Variants in MTMR12 observed in about 807,000 individuals in gnomAD.
The protein encoded by MTMR12 is myotubularin-related protein 12.
Under a neutral mutation model 96.7 loss-of-function variants are expected in MTMR12, and 33 were observed. That is an observed-to-expected ratio of 0.34 (90% confidence interval 0.26 to 0.46). The LOEUF is 0.46. Among genes scored for constraint, MTMR12 ranks in the 20% least tolerant of loss-of-function variants. The probability of loss-of-function intolerance (pLI) is 1.00; values close to 1 mark genes in which losing one functional copy is unlikely to be tolerated. For missense variants in MTMR12, 721 were observed against 896.1 expected, an observed-to-expected ratio of 0.80 and a Z score of 2.49; for synonymous variants, 298 against 327.2, an observed-to-expected ratio of 0.91 and a Z score of 0.96.
chr5:32,291,188 C>T lies in MTMR12; in HGVS notation c.82-14446G>A, dbSNP rs187852312. ...AGATGACAGGAAGAGAAAACTAGGGCCTGGTTCACAGATGGTTCTGCAAGA... is the reference window on the plus strand; with the variant it reads ...AGATGACAGGAAGAGAAAACTAGGGTCTGGTTCACAGATGGTTCTGCAAGA... On this transcript the variant is annotated intron_variant, in intron 1 of 15. Transcript: ENST00000382142. 1.6e-4 allele frequency among the ~76,000 whole-genome samples: 24 copies of T among 152,254 alleles called. No individual in the cohort carries two copies. In the East Asian group the frequency reaches 3.1e-3, roughly 20 times the overall value.
At chr5:32,256,664 G>C (rs1749150658) in intron 7 of MTMR12, among the ~76,000 whole-genome samples, 1 of 152,182 alleles carries the variant, frequency 6.6e-6, no homozygotes, top group Non-Finnish European at 1.5e-5. Context: ...CCCTCAAAGA[G>C]CTTGAAATAA....
At chr5:32,273,797 G>A in intron 3 of MTMR12, among the ~76,000 whole-genome samples, 183 bp downstream of exon 3, 1 of 152,154 alleles carries the variant, frequency 6.6e-6, no homozygotes, top group Non-Finnish European at 1.5e-5. Flanking sequence ...AGACAACAGA[G>A]CTATTTTACA....
rs1185236346 is a variant in MTMR12, at chr5:32,228,323, CTG to C, written c.*1453_*1454del. 1 of 151,922 alleles carries C rather than the reference CTG, an allele frequency of 6.6e-6. No homozygotes were observed. Among genetic ancestry groups the C allele is most frequent in the Non-Finnish European group, 1.5e-5 (1 of 68,016 alleles). 9.4% of individuals were successfully genotyped at this position (151,922 alleles called of 1,614,324 possible). ...AAATTTTCTTATTGCCCTTGAGCAA[CTG>C]AAAGTTTTTCCGAACATGTAACATT... On this transcript the variant is annotated 3_prime_UTR_variant, in exon 16 of 16. Coordinates refer to ENST00000382142, the MANE Select transcript of MTMR12 (RefSeq NM_001040446.3).
Position 32,237,964 on chromosome 5 carries a change from G to A in MTMR12, c.1344+1037C>T, listed in dbSNP as rs573416321. On this transcript the variant is annotated intron_variant, in intron 13 of 15. Coordinates refer to ENST00000382142, the MANE Select transcript of MTMR12 (RefSeq NM_001040446.3). ...TCAAGACCAGCCTGGCCAACATGGC[G>A]AAACCCCATCTCTACTAAAAATACA... is the stretch of plus-strand genomic sequence containing the variant. 4.0e-5 allele frequency among the ~76,000 whole-genome samples: 6 copies of A among 151,224 alleles called. No homozygotes were observed. In the East Asian group the frequency reaches 8.0e-4, roughly 20 times the overall value.
At chr5:32,293,120 T>C (rs754244152) in intron 1 of MTMR12, among the ~76,000 whole-genome samples, 41 of 152,190 alleles carry the variant, frequency 2.7e-4, no homozygotes, top group Non-Finnish European at 5.3e-4. Context: ...TTGAAGATTA[T>C]GTGTGATCTC....
At position 32,268,625 on chromosome 5, in the gene MTMR12, G is replaced by A. The variant is rs1749701746; in HGVS notation, c.583+76C>T. The A allele has an allele frequency of 2.4e-6, 3 of 1,241,806 alleles. No homozygotes were observed. In the Admixed American group the frequency reaches 5.1e-5, roughly 21 times the overall value. The allele number at this position is 1,241,806 out of a possible 1,614,324, so 76.9% of individuals were successfully genotyped here. A position where few individuals can be genotyped will look rare whatever the true frequency, so the allele number is the denominator to read the frequency against. On this transcript the variant is annotated intron_variant, in intron 6 of 15. Transcript: ENST00000382142. ...AAAAAACAAAACAACCCATAGATGT[G>A]TTCTCCCCCACTGGCTTCAGGTGGG...
chr5:32,282,450 A>C (rs1460204140), intron 1 of MTMR12, among the ~76,000 whole-genome samples: 4 of 150,132 alleles, frequency 2.7e-5, no homozygotes, highest in African/African-American at 9.7e-5. Context: ...TAAATAAATA[A>C]ATAAATAAAT....
chr5:32,241,449 C>T (rs1320498066), intron 12 of MTMR12, among the ~76,000 whole-genome samples: 1 of 152,212 alleles, frequency 6.6e-6, no homozygotes, highest in Non-Finnish European at 1.5e-5. Flanking sequence ...ATGAGACAAT[C>T]TACTTAATTT....
At chr5:32,289,445 C>T (rs1268676460) in intron 1 of MTMR12, among the ~76,000 whole-genome samples, 1 of 152,190 alleles carries the variant, frequency 6.6e-6, no homozygotes, top group African/African-American at 2.4e-5. Flanking sequence ...ACAATTTACG[C>T]AGTGGATCTT....
At chr5:32,276,336 T>C (rs1011723607) in intron 2 of MTMR12, among the ~76,000 whole-genome samples, 1 of 152,252 alleles carries the variant, frequency 6.6e-6, no homozygotes, top group Non-Finnish European at 1.5e-5. Flanking sequence ...AGCAGTTGAA[T>C]TGTTTTCCTC....
chr5:32,293,267 A>G (rs1434093912), intron 1 of MTMR12, among the ~76,000 whole-genome samples: 1 of 152,164 alleles, frequency 6.6e-6, no homozygotes, highest in Non-Finnish European at 1.5e-5. Flanking sequence ...GGAAATTGAC[A>G]TTTGAGTCAG....
chr5:32,249,639 C>A (rs905531651), intron 8 of MTMR12, among the ~76,000 whole-genome samples: 23 of 152,104 alleles, frequency 1.5e-4, no homozygotes, highest in African/African-American at 5.6e-4. Flanking sequence ...AAAAACAAGG[C>A]AAGGAGAAAG....
At position 32,232,995 on chromosome 5, in the gene MTMR12, G is replaced by A. The variant is rs148722567; in HGVS notation, c.1674+778C>T. 4.9e-4 allele frequency: 480 copies of A among 985,324 alleles called. 1 individual carries two copies. Among genetic ancestry groups the A allele is most frequent in the Non-Finnish European group, 5.6e-4 (463 of 829,804 alleles). The allele number at this position is 985,324 out of a possible 1,614,324, so 61.0% of individuals were successfully genotyped here. On this transcript the variant is annotated intron_variant, in intron 15 of 15. Transcript: ENST00000382142. ...TCTCTCCTTTGTGGACTCTGTGGGGGAGAAATTCTGGGCCTGGAGACAGAG... is the reference window on the plus strand; with the variant it reads ...TCTCTCCTTTGTGGACTCTGTGGGGAAGAAATTCTGGGCCTGGAGACAGAG...
intron 7 of MTMR12, among the ~76,000 whole-genome samples, chr5:32,257,152 A>AC (rs1463149040): frequency 4.6e-5 from 7 of 151,938 alleles, no homozygotes; most frequent in Non-Finnish European, 4.4e-5. Context: ...ACATAGTGAG[A>AC]CCCCATCTCC....
chr5:32,299,829 C>T (rs1435033804), intron 1 of MTMR12, among the ~76,000 whole-genome samples: 1 of 152,218 alleles, frequency 6.6e-6, no homozygotes, highest in African/African-American at 2.4e-5. Flanking sequence ...GGAAAGATGT[C>T]ACCCAGTCCT....
chr5:32,260,037 CAAAAA>C (rs55822680), intron 7 of MTMR12, among the ~76,000 whole-genome samples: 3 of 54,806 alleles, frequency 5.5e-5, no homozygotes, highest in East Asian at 6.7e-4. Context: ...CTCAGTCTCC[CAAAAA>C]AAAAAAAAAA....
Position 32,230,218 on chromosome 5 carries a change from A to C in MTMR12, c.1804T>G (p.Ser602Ala), listed in dbSNP as rs1304696929. ...CGAAAGTTGTCTTGGAGCTCATCAG[A>C]AGAATTAATAAGTTTGCTAATTCTC... ...GKRISKLINSSDELQDNFREF... is the reference protein window; with the variant it reads ...GKRISKLINSADELQDNFREF... The change falls in exon 16 of 16, where the codon TCT becomes GCT. Residue 602 changes from serine to alanine, a missense_variant. Physicochemically the swap from Ser to Ala is moderately conservative, Grantham distance 99. Transcript: ENST00000382142. 1.9e-6 allele frequency: 3 copies of C among 1,614,142 alleles called. No individual in the cohort carries two copies. Among genetic ancestry groups the C allele is most frequent in the Admixed American group, 1.7e-5 (1 of 60,012 alleles).
intron 7 of MTMR12, among the ~76,000 whole-genome samples, chr5:32,260,292 T>G (rs1028410104): frequency 5.9e-5 from 9 of 151,344 alleles, no homozygotes; most frequent in Non-Finnish European, 1.2e-4. Flanking sequence ...CAGGGACAAG[T>G]GCCATGAGAT....
chr5:32,277,657 C>T (rs1750109161), intron 1 of MTMR12, among the ~76,000 whole-genome samples: 1 of 151,902 alleles, frequency 6.6e-6, no homozygotes, highest in South Asian at 2.1e-4. Flanking sequence ...CGAGATTATG[C>T]CACTGCACTC....
Sources: allele counts gnomAD v4.1 joint callset (sites outside exome capture counted in the v4.1 genomes callset), GRCh38; gene constraint gnomAD v4.1.1; transcripts MANE v1.5; gene names NCBI Gene and HGNC (gene_info 2026-07-23, HGNC 2026-07-21).